Variants in SPART observed in about 807,000 individuals in gnomAD.
SPART encodes spartin, also known as spastic paraplegia 20 (Troyer syndrome).
Under a neutral mutation model 58.7 loss-of-function variants are expected in SPART, and 35 were observed. The ratio of observed to expected loss-of-function variants is 0.60; its 90% CI spans 0.46 to 0.79. The LOEUF (loss-of-function observed/expected upper bound fraction) is 0.79, where lower values mean the gene tolerates loss of function less well. SPART is among the 30% of genes least tolerant of loss of function. SPART has a pLI of 0.00. For missense variants in SPART, 730 were observed against 786.1 expected (o/e 0.93, Z 0.85); for synonymous variants, 284 against 280.7 (o/e 1.01, Z -0.12).
intron 5 of SPART, among the ~76,000 whole-genome samples, chr13:36,318,317 C>T (rs965037090): frequency 6.6e-6 from 1 of 152,158 alleles, no homozygotes; most frequent in Non-Finnish European, 1.5e-5. Flanking sequence ...GGTTAATGCT[C>T]ATTTTTCTTT....
intron 1 of SPART, among the ~76,000 whole-genome samples, chr13:36,363,178 C>G (rs1420213980): frequency 1.3e-5 from 2 of 152,194 alleles, no homozygotes; most frequent in Non-Finnish European, 2.9e-5. Context: ...TCTGTGAGAA[C>G]AGGATCAGTC....
chr13:36,334,850 AAGAC>A (rs1222866520), intron 2 of SPART, among the ~76,000 whole-genome samples, 167 bp downstream of exon 2: 1 of 152,214 alleles, frequency 6.6e-6, no homozygotes, highest in African/African-American at 2.4e-5. Flanking sequence ...AAAAAAGAAA[AAGAC>A]AAACACAAAC....
chr13:36,335,112 C>G lies in SPART; in HGVS notation c.719G>C (p.Ser240Thr). ...AAGGTACCCAGGATACGAAGGTGCA[C>G]TAACCTCCCCTGCAGGATTTACAAA... ...IFFVNPAGEVSAPSYPGYLRI... is the reference protein window; with the variant it reads ...IFFVNPAGEVTAPSYPGYLRI... Residue 240 changes from serine (S) to threonine (T), a missense_variant, in exon 2 of 9, where the codon AGT (serine) becomes ACT (threonine). By Grantham distance (58) the Ser-to-Thr change is moderately conservative (BLOSUM62 1). Coordinates refer to ENST00000438666, the MANE Select transcript of SPART (RefSeq NM_015087.5). 6.2e-7 allele frequency: 1 copy of G among 1,614,126 alleles called. No homozygotes were observed. The highest frequency in any genetic ancestry group is 8.5e-7 in the Non-Finnish European group (1 of 1,180,012).
chr13:36,358,172 C>T (rs1300719453), intron 1 of SPART, among the ~76,000 whole-genome samples: 1 of 152,100 alleles, frequency 6.6e-6, no homozygotes, highest in African/African-American at 2.4e-5. Context: ...AATACGCCAA[C>T]ATTTATATTT....
chr13:36,322,183 C>G (rs1015644143), intron 5 of SPART, among the ~76,000 whole-genome samples: 3 of 152,240 alleles, frequency 2.0e-5, no homozygotes. Flanking sequence ...TTCACACGGA[C>G]GTGCATGAAA....
chr13:36,331,251 A>T, intron 3 of SPART, 148 bp downstream of exon 3: 1 of 741,040 alleles, frequency 1.3e-6, no homozygotes, highest in Non-Finnish European at 2.4e-6. Flanking sequence ...AGCAAATTCC[A>T]AGCATGTAGT....
Position 36,335,150 on chromosome 13 carries a change from T to G in SPART, c.681A>C (p.Gly227=). Residue 227 remains glycine, a synonymous_variant, in exon 2 of 9, where the codon GGA becomes GGC. Coordinates refer to ENST00000438666, the MANE Select transcript of SPART (RefSeq NM_015087.5). Reference sequence around the variant, plus strand: ...CAGGATTTACAAAAAAAATCTGTACTCCATTTGGTATCAAAATCAATTCAT... The same window carrying G: ...CAGGATTTACAAAAAAAATCTGTACGCCATTTGGTATCAAAATCAATTCAT... ...DADELILIPN[G]VQIFFVNPAG... The G allele has an allele frequency of 6.2e-7, 1 of 1,614,104 alleles. No homozygotes were observed. The highest frequency in any genetic ancestry group is 8.5e-7 in the Non-Finnish European group (1 of 1,179,994).
chr13:36,304,610 C>A lies in SPART; in HGVS notation c.1756G>T (p.Ala586Ser), dbSNP rs1880317770. ...RYKYGYNAGE[A>S]THHAVDSAVN... ...GCAGAATCCACCGCATGGTGGGTAG[C>A]TTCTCCTGCATTATATCCGTATCTT... Residue 586 changes from alanine (A) to serine (S), a missense_variant, in exon 9 of 9, where the codon GCT becomes TCT. Ala to Ser is a moderately conservative substitution (Grantham distance 99). Coordinates refer to ENST00000438666, the MANE Select transcript of SPART (RefSeq NM_015087.5). The A allele has an allele frequency of 6.2e-7, 1 of 1,613,866 alleles. No individual in the cohort carries two copies. The highest frequency in any genetic ancestry group is 1.7e-5 in the Admixed American group (1 of 59,952).
chr13:36,334,605 C>T (rs760171192), intron 2 of SPART, among the ~76,000 whole-genome samples: 35 of 152,152 alleles, frequency 2.3e-4, no homozygotes, highest in Non-Finnish European at 4.7e-4. Context: ...TTGAGAACAA[C>T]TGTTCTGGAC....
intron 1 of SPART, among the ~76,000 whole-genome samples, chr13:36,341,919 T>C (rs1213122990): frequency 6.6e-6 from 1 of 152,202 alleles, no homozygotes; most frequent in African/African-American, 2.4e-5. Context: ...TGTCATAAGA[T>C]TGCCACATCT....
intron 3 of SPART, among the ~76,000 whole-genome samples, chr13:36,331,126 A>G (rs1179948076): frequency 6.6e-6 from 1 of 152,212 alleles, no homozygotes; most frequent in Non-Finnish European, 1.5e-5. Flanking sequence ...TTTATAAGTA[A>G]ATTAAAGTAT....
intron 4 of SPART, among the ~76,000 whole-genome samples, chr13:36,328,327 C>T (rs1051370201): frequency 6.6e-6 from 1 of 152,136 alleles, no homozygotes; most frequent in Non-Finnish European, 1.5e-5. Context: ...TACTAAACTG[C>T]CTATGATACT....
intron 8 of SPART, chr13:36,308,557 G>A (rs1880744236): frequency 6.6e-6 from 1 of 151,410 alleles, no homozygotes; most frequent in Admixed American, 6.6e-5. Context: ...AGGACCAGAA[G>A]TACAAAATCT....
Position 36,335,848 on chromosome 13 carries a change from CAT to C in SPART, c.-2-18_-2-17del, listed in dbSNP as rs1407588230. ...TGCTCCATTTCTGCAAAATTGGAGA[CAT>C]ATTTAATTATCTTGCTTAGCTATTG... On this transcript the variant is annotated splice_polypyrimidine_tract_variant and intron_variant, in intron 1 of 8. Coordinates refer to ENST00000438666, the MANE Select transcript of SPART (RefSeq NM_015087.5). 1 of 1,585,416 alleles carries C rather than the reference CAT, an allele frequency of 6.3e-7. No individual in the cohort carries two copies. Among genetic ancestry groups the C allele is most frequent in the African/African-American group, 1.3e-5 (1 of 74,434 alleles).
chr13:36,335,965 T>C, intron 1 of SPART, 133 bp from the exon 2 acceptor site: 1 of 721,986 alleles, frequency 1.4e-6, no homozygotes, highest in Non-Finnish European at 2.4e-6. Context: ...TATACTATCC[T>C]TTAAGCCTAC....
At chr13:36,331,103 T>A (rs1431548885) in intron 3 of SPART, among the ~76,000 whole-genome samples, 3 of 152,218 alleles carry the variant, frequency 2.0e-5, no homozygotes, top group Non-Finnish European at 2.9e-5. Context: ...GTGGACACTG[T>A]TATTATCCCC....
At chr13:36,318,792 G>A (rs1882020606) in intron 5 of SPART, among the ~76,000 whole-genome samples, 3 of 152,260 alleles carry the variant, frequency 2.0e-5, no homozygotes, top group African/African-American at 7.2e-5. Flanking sequence ...TCCCATCTGT[G>A]TGGGACCCCA....
At chr13:36,320,839 CA>C (rs759482738) in intron 5 of SPART, among the ~76,000 whole-genome samples, 2 of 152,338 alleles carry the variant, frequency 1.3e-5, no homozygotes, top group Non-Finnish European at 2.9e-5. Flanking sequence ...CACCTCAATA[CA>C]GTCTGACAAC....
At chr13:36,336,975 A>C (rs968003452) in intron 1 of SPART, among the ~76,000 whole-genome samples, 1 of 152,194 alleles carries the variant, frequency 6.6e-6, no homozygotes, top group Non-Finnish European at 1.5e-5. Context: ...ATATGACATA[A>C]ATCAAAATAG....
Sources: gnomAD v4.1 joint callset for allele counts (sites outside exome capture counted in the v4.1 genomes callset) on GRCh38, gnomAD v4.1.1 for gene constraint, MANE v1.5 for transcripts, NCBI Gene and HGNC (gene_info 2026-07-23, HGNC 2026-07-21) for gene names.